The following TMEM254 variants were observed in gnomAD, a reference collection of about 807,000 sequenced individuals.
The protein encoded by TMEM254 is transmembrane protein 254.
A neutral mutation model predicts 13.9 loss-of-function variants in TMEM254; 16 were observed. The ratio of observed to expected loss-of-function variants is 1.15; its 90% CI spans 0.78 to 1.75. The LOEUF is 1.75. Among genes scored for constraint, TMEM254 ranks in the 40% most tolerant of loss-of-function variants. TMEM254 has a pLI of 0.00. For synonymous variants in TMEM254, 61 were observed against 56.4 expected (o/e 1.08, Z -0.36); for missense variants, 155 against 149.0 (o/e 1.04, Z -0.21).
intron 3 of TMEM254, chr10:80,090,380 A>T: frequency 1.4e-6 from 1 of 717,550 alleles, no homozygotes; most frequent in East Asian, 2.7e-5. Flanking sequence ...TGTTTTTCAG[A>T]TGAGAAAACT....
intron 1 of TMEM254, 178 bp downstream of exon 1, chr10:80,078,964 C>G: frequency 6.5e-7 from 1 of 1,535,830 alleles, no homozygotes; most frequent in South Asian, 1.2e-5. Flanking sequence ...GCATACTGGT[C>G]CGCCAGGGTC....
At position 80,091,989 on chromosome 10, in the gene TMEM254, A is replaced by G. The variant is rs1844590292; in HGVS notation, c.*1072A>G. 1 of 152,174 alleles carries G rather than the reference A, an allele frequency of 6.6e-6. No homozygotes were observed. Among genetic ancestry groups the G allele is most frequent in the Non-Finnish European group, 1.5e-5 (1 of 68,034 alleles). The allele number at this position is 152,174 out of a possible 1,614,324, so 9.4% of individuals were successfully genotyped here. A position where few individuals can be genotyped will look rare whatever the true frequency, so the allele number is the denominator to read the frequency against. On this transcript the variant is annotated 3_prime_UTR_variant, in exon 4 of 4. Coordinates refer to ENST00000372281, the MANE Select transcript of TMEM254 (RefSeq NM_025125.4). ...GCTCTGATTTATTCAAAACACAAGC[A>G]TTTCTGTTTAGAGATTCTAGCCCAT...
At chr10:80,089,678 T>TC (rs1844479621) in intron 3 of TMEM254, among the ~76,000 whole-genome samples, 1 of 147,690 alleles carries the variant, frequency 6.8e-6, no homozygotes, top group South Asian at 2.3e-4. Flanking sequence ...ACCCCATCTC[T>TC]GGGGGGGTTG....
intron 1 of TMEM254, chr10:80,079,412 G>T (rs1012872884): frequency 1.1e-4 from 122 of 1,080,760 alleles, no homozygotes; most frequent in Non-Finnish European, 1.3e-4. Context: ...CCGAGCCTAA[G>T]CCTCTCACGA....
chr10:80,090,832 T>A lies in TMEM254; in HGVS notation c.287T>A (p.Leu96His), dbSNP rs1441606911. Residue 96 changes from leucine (L) to histidine (H), a missense_variant, in exon 4 of 4, where the codon CTC becomes CAC. Transcript: ENST00000372281. Reference protein sequence around the residue: ...KGITSGRAQLLWFLQTFFFGI... With the variant: ...KGITSGRAQLHWFLQTFFFGI... ...ATCACAAGTGGTCGGGCTCAGCTAC[T>A]CTGGTTCCTACAGACTTTCTTCTTT... 8 of 1,614,058 alleles carry A rather than the reference T, an allele frequency of 5.0e-6. No individual in the cohort carries two copies. Among genetic ancestry groups the A allele is most frequent in the Non-Finnish European group, 6.8e-6 (8 of 1,180,040 alleles).
At chr10:80,090,393 T>G in intron 3 of TMEM254, 1 of 717,612 alleles carries the variant, frequency 1.4e-6, no homozygotes, top group Non-Finnish European at 2.6e-6. Context: ...AGAAAACTGA[T>G]TCTGAGAGAT....
chr10:80,079,917 A>G (rs74143272), intron 1 of TMEM254, among the ~76,000 whole-genome samples: 2,559 of 152,328 alleles, frequency 0.017, 75 homozygotes, highest in African/African-American at 0.057. Flanking sequence ...TCGAACTCCT[A>G]ACGTCAAGTG....
rs867143614 is a variant in TMEM254 at position 80,091,417 on chromosome 10, T to C, written c.*500T>C. 1 of 152,494 alleles carries C rather than the reference T, an allele frequency of 6.6e-6. No homozygotes were observed. Among genetic ancestry groups the C allele is most frequent in the Non-Finnish European group, 1.5e-5 (1 of 68,242 alleles). 9.4% of individuals were successfully genotyped at this position (152,494 alleles called of 1,614,324 possible). A position where few individuals can be genotyped will look rare whatever the true frequency, so the allele number is the denominator to read the frequency against. On this transcript the variant is annotated 3_prime_UTR_variant, in exon 4 of 4. Coordinates refer to ENST00000372281, the MANE Select transcript of TMEM254 (RefSeq NM_025125.4). ...ATTAGGTACCTGTGAGGTAGGATCC[T>C]ATCCTCTCAAACTTCCATTTCTCAT... is the stretch of plus-strand genomic sequence containing the variant.
At chr10:80,078,827 C>A (rs753046640) in intron 1 of TMEM254, 41 bp downstream of exon 1, 2 of 1,561,228 alleles carry the variant, frequency 1.3e-6, no homozygotes, top group East Asian at 4.8e-5. Flanking sequence ...GACGAACGAG[C>A]GAGCGCTCGG....
chr10:80,090,891 A>T lies in TMEM254; in HGVS notation c.346A>T (p.Lys116Ter). Residue 116 changes from lysine to a stop codon, truncating the protein, a stop_gained, in exon 4 of 4, where the codon AAA (lysine) becomes TAA (stop). Coordinates refer to ENST00000372281, the MANE Select transcript of TMEM254 (RefSeq NM_025125.4). LOFTEE classifies it high-confidence loss of function. ...IASLTILIAYKRKRQKQT is the reference protein window; with the variant it reads ...IASLTILIAY ...GTCTCTCACCATCTTGATTGCTTACAAACGGAAGCGCCAAAAACAAACTTG... is the reference window on the plus strand; with the variant it reads ...GTCTCTCACCATCTTGATTGCTTACTAACGGAAGCGCCAAAAACAAACTTG... 1 of 1,614,030 alleles carries T rather than the reference A, an allele frequency of 6.2e-7. No individual in the cohort carries two copies. Among genetic ancestry groups the T allele is most frequent in the Non-Finnish European group, 8.5e-7 (1 of 1,179,954 alleles).
intron 3 of TMEM254, 94 bp downstream of exon 3, chr10:80,082,298 T>C (rs1210891539): frequency 1.4e-6 from 2 of 1,430,858 alleles, no homozygotes; most frequent in Non-Finnish European, 2.0e-6. Context: ...ACTTGTAGGC[T>C]GAGAATATTC....
In TMEM254 at chr10:80,082,205, G is replaced by A. The variant is rs1211736480; in HGVS notation, c.251+1G>A. On this transcript the variant is annotated splice_donor_variant, in intron 3 of 3. Transcript: ENST00000372281. LOFTEE classifies it high-confidence loss of function. Reference sequence around the variant, plus strand: ...CCTTGTATGCCATAGTATTGTGCAAGTAAGTCTTTGAAGTAGGTGTTTGTT... The same window carrying A: ...CCTTGTATGCCATAGTATTGTGCAAATAAGTCTTTGAAGTAGGTGTTTGTT... 2 of 1,613,994 alleles carry A rather than the reference G, an allele frequency of 1.2e-6. No individual in the cohort carries two copies. The highest frequency in any genetic ancestry group is 2.7e-5 in the African/African-American group (2 of 74,914).
chr10:80,085,412 A>G (rs1844264649), intron 3 of TMEM254, among the ~76,000 whole-genome samples: 1 of 151,910 alleles, frequency 6.6e-6, no homozygotes, highest in African/African-American at 2.4e-5. Flanking sequence ...AATATGAAAA[A>G]AAAAATTAGC....
At position 80,091,826 on chromosome 10, in the gene TMEM254, G is replaced by A. The variant is rs1844583964; in HGVS notation, c.*909G>A. The A allele has an allele frequency of 6.6e-6, 1 of 152,136 alleles. No homozygotes were observed. The highest frequency in any genetic ancestry group is 1.5e-5 in the Non-Finnish European group (1 of 68,016). 9.4% of individuals were successfully genotyped at this position (152,136 alleles called of 1,614,324 possible). On this transcript the variant is annotated 3_prime_UTR_variant, in exon 4 of 4. Coordinates refer to ENST00000372281, the MANE Select transcript of TMEM254 (RefSeq NM_025125.4). ...ATGTGAAAATGGCACAACCCATTTG[G>A]GGTACCCTCACCCCAAAATAAAAGC... is the stretch of plus-strand genomic sequence containing the variant.
At chr10:80,084,547 G>A (rs1844216509) in intron 3 of TMEM254, among the ~76,000 whole-genome samples, 1 of 152,130 alleles carries the variant, frequency 6.6e-6, no homozygotes, top group South Asian at 2.1e-4. Context: ...TTACTCTTTG[G>A]AATCAGATAT....
chr10:80,085,457 C>T (rs1844267703), intron 3 of TMEM254, among the ~76,000 whole-genome samples: 2 of 151,806 alleles, frequency 1.3e-5, no homozygotes. Context: ...ACCCCAGCTA[C>T]TCAGGAGGCT....
At position 80,091,313 on chromosome 10, in the gene TMEM254, CTCCTT is replaced by C. The variant is rs1844567797; in HGVS notation, c.*400_*404del. ...TACCCTCACAACCACCATCTTTCCT[CTCCTT>C]TCCAAAGCTCTTTCCACCTTGCTGC... On this transcript the variant is annotated 3_prime_UTR_variant, in exon 4 of 4. Transcript: ENST00000372281. The C allele has an allele frequency of 6.4e-6, 1 of 156,500 alleles. No individual in the cohort carries two copies. Among genetic ancestry groups the C allele is most frequent in the African/African-American group, 2.4e-5 (1 of 41,552 alleles). The allele number at this position is 156,500 out of a possible 1,614,324, so 9.7% of individuals were successfully genotyped here.
intron 1 of TMEM254, among the ~76,000 whole-genome samples, chr10:80,080,522 A>G (rs1204676523): frequency 1.3e-5 from 2 of 152,238 alleles, no homozygotes; most frequent in Non-Finnish European, 2.9e-5. Context: ...AAGCCGAGAA[A>G]GGAATTCTAA....
At position 80,086,098 on chromosome 10, in the gene TMEM254, A is replaced by AT. The variant is rs375500912; in HGVS notation, c.251+3900dup. On this transcript the variant is annotated intron_variant, in intron 3 of 3. Transcript: ENST00000372281. ...AAATTTTTCAAGTATCAGAGGTAAC[A>AT]TTTTTTCTTAAGGCAGGAAAAAGTG... is the stretch of plus-strand genomic sequence containing the variant. 3.3e-3 allele frequency: 1,656 copies of AT among 495,044 alleles called. 26 individuals are homozygous for AT. Among genetic ancestry groups the AT allele is most frequent in the African/African-American group, 0.031 (1,532 of 49,114 alleles). The allele number at this position is 495,044 out of a possible 1,614,324, so 30.7% of individuals were successfully genotyped here.
Sources: allele counts gnomAD v4.1 joint callset (sites outside exome capture counted in the v4.1 genomes callset), GRCh38; gene constraint gnomAD v4.1.1; transcripts MANE v1.5; gene names NCBI Gene and HGNC (gene_info 2026-07-23, HGNC 2026-07-21).